Variants in VAV3 observed in about 807,000 individuals in gnomAD.
The protein encoded by VAV3 is vav guanine nucleotide exchange factor 3.
VAV3 carries 94 observed loss-of-function variants against 131.2 expected under a neutral mutation model. That is an observed-to-expected ratio of 0.72 (90% CI 0.61 to 0.85). The LOEUF (loss-of-function observed/expected upper bound fraction) is 0.85. Among genes scored for constraint, VAV3 ranks in the 40% least tolerant of loss-of-function variants. The pLI, the probability that VAV3 is intolerant of heterozygous loss-of-function variation, is 0.00. For missense variants in VAV3, 939 were observed against 1,002.7 expected (o/e 0.94, Z 0.86); for synonymous variants, 349 against 342.0 (o/e 1.02, Z -0.22).
intron 1 of VAV3, among the ~76,000 whole-genome samples, chr1:107,933,296 C>G (rs1435841620): frequency 6.8e-6 from 1 of 146,388 alleles, no homozygotes; most frequent in Non-Finnish European, 1.5e-5. Flanking sequence ...TTTTTTTTTT[C>G]CAGTACAAAA....
intron 17 of VAV3, among the ~76,000 whole-genome samples, chr1:107,694,480 T>G (rs1659628135): frequency 6.6e-6 from 1 of 152,192 alleles, no homozygotes. Flanking sequence ...CTCAAAGGCC[T>G]AACAATCGAT....
chr1:107,578,931 C>A, intron 25 of VAV3: 1 of 983,370 alleles, frequency 1.0e-6, no homozygotes, highest in Non-Finnish European at 1.2e-6. Context: ...CAGTTAAATG[C>A]AAATTAAATA....
intron 22 of VAV3, among the ~76,000 whole-genome samples, chr1:107,607,730 C>T (rs1475426083): frequency 2.6e-5 from 4 of 152,110 alleles, no homozygotes; most frequent in African/African-American, 4.8e-5. Flanking sequence ...TTTGATACCC[C>T]GAAACATAGA....
intron 1 of VAV3, among the ~76,000 whole-genome samples, chr1:107,881,695 G>T (rs563555592): frequency 6.6e-6 from 1 of 152,162 alleles, no homozygotes; most frequent in Non-Finnish European, 1.5e-5. Context: ...AACTTCCGAA[G>T]AAGAAAGTTT....
intron 2 of VAV3, among the ~76,000 whole-genome samples, chr1:107,799,898 A>G (rs1182342050): frequency 6.6e-6 from 1 of 152,056 alleles, no homozygotes; most frequent in Admixed American, 6.5e-5. Flanking sequence ...CTCTGTCTTC[A>G]TAAGACTCAC....
chr1:107,953,603 A>ACTT (rs1216877205), intron 1 of VAV3, among the ~76,000 whole-genome samples: 5 of 152,216 alleles, frequency 3.3e-5, no homozygotes, highest in Non-Finnish European at 5.9e-5. Context: ...CTATAAGTAC[A>ACTT]GAAGCCAGAG....
At chr1:107,753,332 T>C (rs1011072449) in intron 12 of VAV3, among the ~76,000 whole-genome samples, 2 of 151,734 alleles carry the variant, frequency 1.3e-5, no homozygotes, top group African/African-American at 2.4e-5. Flanking sequence ...AGTTCATGTT[T>C]AATGAGTACA....
At chr1:107,665,196 A>G (rs1657325629) in intron 19 of VAV3, among the ~76,000 whole-genome samples, 1 of 152,210 alleles carries the variant, frequency 6.6e-6, no homozygotes, top group South Asian at 2.1e-4. Context: ...AACAGCTGAC[A>G]AATTGAATAA....
intron 1 of VAV3, among the ~76,000 whole-genome samples, chr1:107,902,124 G>A (rs775941829): frequency 6.6e-6 from 1 of 151,330 alleles, no homozygotes; most frequent in Admixed American, 6.6e-5. Context: ...AAAATTCAGA[G>A]AAATATTAAG....
At chr1:107,707,276 T>C (rs1202377982) in intron 15 of VAV3, among the ~76,000 whole-genome samples, 1 of 152,150 alleles carries the variant, frequency 6.6e-6, no homozygotes, top group South Asian at 2.1e-4. Flanking sequence ...TGAGGCAGTA[T>C]TGAATAAAAA....
intron 22 of VAV3, among the ~76,000 whole-genome samples, chr1:107,608,835 T>TA (rs1652500988): frequency 1.3e-5 from 2 of 152,212 alleles, no homozygotes; most frequent in African/African-American, 2.4e-5. Context: ...ACTAGTACTA[T>TA]ATATTCCCAG....
chr1:107,670,558 T>C (rs902985512), intron 19 of VAV3, among the ~76,000 whole-genome samples: 4 of 152,166 alleles, frequency 2.6e-5, no homozygotes, highest in Non-Finnish European at 4.4e-5. Context: ...TGTGCTTCGA[T>C]GGTGATTAAT....
chr1:107,791,162 T>G (rs1318039135), intron 2 of VAV3, among the ~76,000 whole-genome samples: 1 of 152,162 alleles, frequency 6.6e-6, no homozygotes, highest in East Asian at 1.9e-4. Flanking sequence ...TGGCTGCATT[T>G]ATCAAACTTG....
intron 19 of VAV3, among the ~76,000 whole-genome samples, chr1:107,654,586 C>T (rs886525673): frequency 6.6e-5 from 10 of 151,998 alleles, no homozygotes; most frequent in African/African-American, 2.2e-4. Flanking sequence ...CTGAAAACTA[C>T]TAACTCTCTC....
chr1:107,688,241 C>G (rs925126471), intron 18 of VAV3, 140 bp downstream of exon 18: 24 of 1,083,670 alleles, frequency 2.2e-5, no homozygotes, highest in Non-Finnish European at 3.1e-5. Context: ...TTCACAATCA[C>G]TTGGTTGTTC....
At chr1:107,869,203 T>C (rs758368398) in intron 2 of VAV3, among the ~76,000 whole-genome samples, 1 of 152,132 alleles carries the variant, frequency 6.6e-6, no homozygotes, top group African/African-American at 2.4e-5. Context: ...AACTCTGTAA[T>C]TAAGAAAGAG....
At position 107,874,915 on chromosome 1, in the gene VAV3, G is replaced by A. The variant is rs61761613; in HGVS notation, c.307C>T (p.Arg103Cys). Residue 103 changes from arginine to cysteine, a missense_variant, in exon 2 of 27, where the codon CGT becomes TGT. By Grantham distance (180) the Arg-to-Cys change is radical. Coordinates refer to ENST00000370056, the MANE Select transcript of VAV3 (RefSeq NM_006113.5). ...LFEAFDLFDV[R>C]DFGKVIETLS... ...AGTATAATTACCTTTCCAAAGTCAC[G>A]AACATCAAACAAGTCAAATGCCTCG... 33 of 1,612,850 alleles carry A rather than the reference G, an allele frequency of 2.0e-5. No homozygotes were observed. Among genetic ancestry groups the A allele is most frequent in the South Asian group, 3.3e-5 (3 of 91,036 alleles).
intron 2 of VAV3, among the ~76,000 whole-genome samples, chr1:107,838,123 G>A (rs777572975): frequency 1.2e-4 from 19 of 152,086 alleles, no homozygotes; most frequent in African/African-American, 2.4e-4. Context: ...GAATATATTC[G>A]CAAACTATGC....
intron 1 of VAV3, among the ~76,000 whole-genome samples, chr1:107,914,971 T>C (rs1274953704): frequency 6.6e-6 from 1 of 152,140 alleles, no homozygotes; most frequent in Non-Finnish European, 1.5e-5. Flanking sequence ...TCATTTTTTA[T>C]TTTAATTGGC....
Sources: allele counts gnomAD v4.1 joint callset (sites outside exome capture counted in the v4.1 genomes callset), GRCh38; gene constraint gnomAD v4.1.1; transcripts MANE v1.5; gene names NCBI Gene and HGNC (gene_info 2026-07-23, HGNC 2026-07-21).